Variants in HEPH observed in about 807,000 individuals in gnomAD.
The protein encoded by HEPH is hephaestin.
HEPH carries 69 observed loss-of-function variants against 80.8 expected under a neutral mutation model. That is an observed-to-expected ratio of 0.85 (90% CI 0.70 to 1.04). The LOEUF is 1.04. HEPH is among the 50% of genes least tolerant of loss of function. The pLI, the probability that HEPH is intolerant of heterozygous loss-of-function variation, is 0.00. For missense variants in HEPH, 1,115 were observed against 891.3 expected, an observed-to-expected ratio of 1.25 and a Z score of -3.20; for synonymous variants, 431 against 322.8, an observed-to-expected ratio of 1.34 and a Z score of -3.60.
At chrX:66,219,659 A>G (rs751792372) in intron 15 of HEPH, among the ~76,000 whole-genome samples, 2 of 111,912 alleles carry the variant, frequency 1.8e-5, no homozygotes. Context: ...TCAGGGGGCC[A>G]TGTATCATCT....
chrX:66,263,688 G>A lies in HEPH; in HGVS notation c.3244G>A (p.Ala1082Thr). The change falls in exon 20 of 21, where the codon GCA becomes ACA. Residue 1082 changes from alanine to threonine, a missense_variant and splice_region_variant. Coordinates refer to ENST00000343002, the MANE Select transcript of HEPH (RefSeq NM_001367233.3). ...CGTCATCACCAAAGAGACTGAAAAA[G>A]GTACGTAAAATGATGCACAGACTGG... ...LTVITKETEKAVPPRDIEEGN... is the reference protein window; with the variant it reads ...LTVITKETEKTVPPRDIEEGN... 2 of 1,208,428 alleles carry A rather than the reference G, an allele frequency of 1.7e-6. No individual in the cohort carries two copies. The highest frequency in any genetic ancestry group is 3.5e-5 in the South Asian group (2 of 56,847).
At chrX:66,267,767 T>C (rs1414509159), downstream of HEPH, 2 of 111,004 alleles carry the variant, frequency 1.8e-5, no homozygotes, top group African/African-American at 3.3e-5. Context: ...CCTTATAGGA[T>C]GGAGTCATTC....
intron 13 of HEPH, among the ~76,000 whole-genome samples, chrX:66,205,155 G>A (rs986297448): frequency 9.0e-6 from 1 of 111,329 alleles, no homozygotes; most frequent in East Asian, 2.8e-4. Context: ...AGGTATGGGG[G>A]TACATGTGCA....
At chrX:66,257,254 G>A (rs138951481) in intron 17 of HEPH, among the ~76,000 whole-genome samples, 2,002 of 111,475 alleles carry the variant, frequency 0.018, 43 homozygotes, top group African/African-American at 0.063. Context: ...ACACAGTTAG[G>A]TCCTGTTAAT....
intron 15 of HEPH, among the ~76,000 whole-genome samples, chrX:66,214,492 C>A (rs1454595770): frequency 9.0e-6 from 1 of 111,372 alleles, no homozygotes; most frequent in Non-Finnish European, 1.9e-5. Flanking sequence ...GAACAGAAAT[C>A]CTTGATGTGA....
At chrX:66,227,909 A>AT (rs1036708665) in intron 15 of HEPH, among the ~76,000 whole-genome samples, 1 of 110,228 alleles carries the variant, frequency 9.1e-6, no homozygotes, top group Non-Finnish European at 1.9e-5. Flanking sequence ...GAATTTTAGG[A>AT]TTTTTTTTCT....
chrX:66,244,403 A>T (rs1316409310), intron 15 of HEPH, among the ~76,000 whole-genome samples: 1 of 111,803 alleles, frequency 8.9e-6, no homozygotes, highest in African/African-American at 3.2e-5. Flanking sequence ...TCAGAGAACT[A>T]GTCTCCGAGC....
upstream of HEPH, among the ~76,000 whole-genome samples, chrX:66,163,606 C>T (rs1036315266): frequency 4.5e-5 from 5 of 110,731 alleles, no homozygotes; most frequent in African/African-American, 1.6e-4. Context: ...TTGTGAAGTC[C>T]CTTCTACCCC....
rs776531068 is a variant in HEPH at position 66,262,831 on chromosome X, T to G, written c.3200-813T>G. Among the ~76,000 whole-genome samples, 9 of 111,635 alleles carry G rather than the reference T, an allele frequency of 8.1e-5. No homozygotes were observed. The East Asian group carries it at 2.5e-3, about 32-fold the overall frequency. On this transcript the variant is annotated intron_variant, in intron 19 of 20. Transcript: ENST00000343002. Reference sequence around the variant, plus strand: ...AGGGGAGGATAACAGGTTTTTGAAATAAAGTGTATTAGAGCACTGAAAGGA... The same window carrying G: ...AGGGGAGGATAACAGGTTTTTGAAAGAAAGTGTATTAGAGCACTGAAAGGA...
At chrX:66,230,145 T>C (rs1289561193) in intron 15 of HEPH, among the ~76,000 whole-genome samples, 3 of 91,913 alleles carry the variant, frequency 3.3e-5, no homozygotes, top group African/African-American at 8.3e-5. Flanking sequence ...ATGGTGTATA[T>C]GTGCCACATT....
chrX:66,231,605 T>C (rs1366045042), intron 15 of HEPH, among the ~76,000 whole-genome samples: 1 of 109,950 alleles, frequency 9.1e-6, no homozygotes, highest in African/African-American at 3.3e-5. Context: ...TAAGAATGTT[T>C]GTGATTTTTG....
At position 66,189,439 on chromosome X, in the gene HEPH, G is replaced by T. The variant is rs148311811; in HGVS notation, c.809-245G>T. Among the ~76,000 whole-genome samples the T allele has an allele frequency of 5.5e-3, 619 of 111,970 alleles. 3 individuals carry two copies. Among genetic ancestry groups the T allele is most frequent in the Non-Finnish European group, 9.7e-3 (517 of 53,186 alleles). On this transcript the variant is annotated intron_variant, in intron 5 of 20. Transcript: ENST00000343002. ...GCATTTATTAGCTCTATGGCATTGG[G>T]AAAGAAGTAACTTCACCTCTCTGAG...
chrX:66,213,495 G>C (rs752748667), intron 15 of HEPH, among the ~76,000 whole-genome samples: 115 of 111,822 alleles, frequency 1.0e-3, no homozygotes, highest in African/African-American at 3.4e-3. Flanking sequence ...ATGAGTGTTT[G>C]TAGTTTCTAT....
At chrX:66,255,438 T>A (rs753672756) in intron 16 of HEPH, among the ~76,000 whole-genome samples, 1 of 110,973 alleles carries the variant, frequency 9.0e-6, no homozygotes, top group East Asian at 2.8e-4. Flanking sequence ...AAAAGAAACC[T>A]GGGATTGGTT....
At chrX:66,227,349 G>T (rs767624982) in intron 15 of HEPH, among the ~76,000 whole-genome samples, 4 of 111,234 alleles carry the variant, frequency 3.6e-5, no homozygotes, top group Middle Eastern at 4.2e-3. Context: ...ATGGGGAAAA[G>T]TTGAAAGCCT....
intron 15 of HEPH, among the ~76,000 whole-genome samples, chrX:66,230,469 T>C (rs1203889466): frequency 9.2e-6 from 1 of 108,732 alleles, no homozygotes; most frequent in Non-Finnish European, 1.9e-5. Flanking sequence ...ATTGCCATTC[T>C]AACTGGTGTG....
At chrX:66,163,959 C>A (rs1311350530), upstream of HEPH, among the ~76,000 whole-genome samples, 1 of 111,956 alleles carries the variant, frequency 8.9e-6, no homozygotes, top group Non-Finnish European at 1.9e-5. Context: ...TCAGGGCTGA[C>A]AATTGTGCTT....
intron 15 of HEPH, among the ~76,000 whole-genome samples, chrX:66,220,471 C>T (rs1235696521): frequency 9.0e-6 from 1 of 111,346 alleles, no homozygotes; most frequent in Non-Finnish European, 1.9e-5. Flanking sequence ...TAAGGGGTTA[C>T]ACTGACCACT....
intron 1 of HEPH, among the ~76,000 whole-genome samples, chrX:66,167,738 C>T (rs2086435923): frequency 8.9e-6 from 1 of 112,113 alleles, no homozygotes; most frequent in Non-Finnish European, 1.9e-5. Flanking sequence ...TCATTACATA[C>T]CACATTTTTA....
Sources: allele counts gnomAD v4.1 joint callset (sites outside exome capture counted in the v4.1 genomes callset), GRCh38; gene constraint gnomAD v4.1.1; transcripts MANE v1.5; gene names NCBI Gene and HGNC (gene_info 2026-07-23, HGNC 2026-07-21).